LINC00305: variants seen among roughly 807,000 people sequenced by gnomAD.
The protein encoded by LINC00305 is long intergenic non-protein coding RNA 305.
chr18:64,111,474 C>T (rs2051314351), intron 1 of LINC00305, among the ~76,000 whole-genome samples: 1 of 152,142 alleles, frequency 6.6e-6, no homozygotes, highest in African/African-American at 2.4e-5. Context: ...AAAATAAGCT[C>T]CCTGATACCC....
intron 1 of LINC00305, among the ~76,000 whole-genome samples, chr18:64,134,090 G>A (rs905269022): frequency 1.1e-4 from 16 of 152,070 alleles, no homozygotes; most frequent in Non-Finnish European, 1.5e-4. Context: ...TTTGTACCAC[G>A]CTAGACTCTT....
intron 1 of LINC00305, among the ~76,000 whole-genome samples, chr18:64,119,988 C>A (rs2051354572): frequency 6.6e-6 from 1 of 151,918 alleles, no homozygotes; most frequent in Non-Finnish European, 1.5e-5. Context: ...AACGAACAGC[C>A]AATGCCACAA....
At chr18:64,128,270 A>C (rs1295306288) in intron 1 of LINC00305, among the ~76,000 whole-genome samples, 2 of 152,146 alleles carry the variant, frequency 1.3e-5, no homozygotes, top group African/African-American at 4.8e-5. Context: ...GAAAGAGCCT[A>C]GCTATTCATC....
chr18:64,125,481 C>T (rs970879853), intron 1 of LINC00305, among the ~76,000 whole-genome samples: 2 of 151,974 alleles, frequency 1.3e-5, no homozygotes, highest in Non-Finnish European at 2.9e-5. Context: ...CTTAATTATA[C>T]CAGTAGCATT....
At chr18:64,097,677 C>T (rs1213027926) in intron 3 of LINC00305, among the ~76,000 whole-genome samples, 1 of 151,892 alleles carries the variant, frequency 6.6e-6, no homozygotes, top group Non-Finnish European at 1.5e-5. Flanking sequence ...GAAGAGGGAG[C>T]TTTTAGATTG....
At position 64,080,634 on chromosome 18, in the gene LINC00305, A is replaced by G. The variant is rs117131255; in HGVS notation, n.541-232T>C. The stretch of plus-strand genomic sequence containing the variant: ...AAAGCAGAAACTAGAAAATAATTTT[A>G]AGTACATTAATTGGAGCTAGGTTTG... On this transcript the variant is annotated intron_variant and non_coding_transcript_variant, in intron 3 of 3. Coordinates refer to ENST00000666468, the Ensembl canonical transcript of LINC00305. Among the ~76,000 whole-genome samples, 110 of 152,310 alleles carry G rather than the reference A, an allele frequency of 7.2e-4. 1 individual carries two copies. The East Asian group carries it at 0.02, about 28-fold the overall frequency.
chr18:64,100,208 G>A (rs930491948), intron 1 of LINC00305, among the ~76,000 whole-genome samples: 22 of 151,834 alleles, frequency 1.4e-4, no homozygotes, highest in Non-Finnish European at 2.9e-5. Flanking sequence ...AAAAAGCCTC[G>A]TGTAACAGAT....
chr18:64,081,518 C>T (rs186363844), intron 3 of LINC00305, among the ~76,000 whole-genome samples: 37 of 152,124 alleles, frequency 2.4e-4, no homozygotes, highest in African/African-American at 6.3e-4. Flanking sequence ...TCAAAAGATA[C>T]CAACATTAGT....
exon 2 of LINC00305, chr18:64,098,614 C>T (rs770538179): frequency 1.6e-5 from 7 of 434,102 alleles, no homozygotes; most frequent in Non-Finnish European, 2.8e-5. Flanking sequence ...TGATCATATC[C>T]AGGGGTGGAA....
intron 1 of LINC00305, among the ~76,000 whole-genome samples, chr18:64,141,579 T>G (rs991264010): frequency 1.3e-5 from 2 of 152,120 alleles, no homozygotes; most frequent in South Asian, 2.1e-4. Flanking sequence ...CACCCAAAGT[T>G]GAGATAATGA....
chr18:64,104,464 T>G (rs1467034202), intron 1 of LINC00305, among the ~76,000 whole-genome samples: 1 of 152,198 alleles, frequency 6.6e-6, no homozygotes, highest in African/African-American at 2.4e-5. Flanking sequence ...AGATTCCTCC[T>G]CCTGAGAACC....
At chr18:64,121,203 T>A (rs1358794567) in intron 1 of LINC00305, among the ~76,000 whole-genome samples, 4 of 152,108 alleles carry the variant, frequency 2.6e-5, no homozygotes, top group Non-Finnish European at 4.4e-5. Context: ...TCTTCTTTTT[T>A]AAATTTGTAT....
chr18:64,134,212 A>G (rs1271333218), intron 1 of LINC00305, among the ~76,000 whole-genome samples: 1 of 152,212 alleles, frequency 6.6e-6, no homozygotes, highest in Non-Finnish European at 1.5e-5. Context: ...GCATTCATAT[A>G]TGGAAACCCT....
chr18:64,080,798 C>CTG (rs1309101469), intron 3 of LINC00305, among the ~76,000 whole-genome samples: 1 of 152,104 alleles, frequency 6.6e-6, no homozygotes, highest in Non-Finnish European at 1.5e-5. Context: ...CAAAACATGT[C>CTG]TGTAAGACTG....
intron 1 of LINC00305, among the ~76,000 whole-genome samples, chr18:64,141,253 CA>C (rs1258695194): frequency 1.3e-5 from 2 of 151,838 alleles, no homozygotes; most frequent in East Asian, 3.9e-4. Context: ...AATAATAAAG[CA>C]TAAAATAAAT....
intron 3 of LINC00305, among the ~76,000 whole-genome samples, chr18:64,088,278 T>C (rs576091962): frequency 1.4e-4 from 22 of 152,372 alleles, no homozygotes; most frequent in Non-Finnish European, 2.6e-4. Flanking sequence ...AATAATTTCA[T>C]ATGACCTTGC....
intron 1 of LINC00305, among the ~76,000 whole-genome samples, chr18:64,144,348 C>A (rs936805870): frequency 6.6e-6 from 1 of 151,984 alleles, no homozygotes; most frequent in African/African-American, 2.4e-5. Context: ...CTTTATATGA[C>A]AAAGGAGAGT....
At chr18:64,126,318 T>G (rs2051384995) in intron 1 of LINC00305, among the ~76,000 whole-genome samples, 1 of 152,108 alleles carries the variant, frequency 6.6e-6, no homozygotes, top group Admixed American at 6.6e-5. Context: ...ATTTTCTATA[T>G]TTTAAAAATT....
chr18:64,123,660 G>A (rs889371538), intron 1 of LINC00305, among the ~76,000 whole-genome samples: 1 of 151,054 alleles, frequency 6.6e-6, no homozygotes, highest in African/African-American at 2.4e-5. Flanking sequence ...ATTTCTATAC[G>A]TTAATGCATT....
Sources: allele counts gnomAD v4.1 joint callset (sites outside exome capture counted in the v4.1 genomes callset), GRCh38; gene constraint gnomAD v4.1.1; transcripts MANE v1.5; gene names NCBI Gene and HGNC (gene_info 2026-07-23, HGNC 2026-07-21).